USP7: variants seen among roughly 807,000 people sequenced by gnomAD.
USP7 encodes ubiquitin specific peptidase 7.
In USP7, 9 loss-of-function variants were observed where a neutral mutation model predicts 162.9. The ratio of observed to expected loss-of-function variants is 0.06; its 90% CI spans 0.03 to 0.10. The LOEUF (loss-of-function observed/expected upper bound fraction) is 0.10. Ranked by LOEUF, USP7 falls within the 10% of genes least tolerant of loss-of-function variation. The probability of loss-of-function intolerance (pLI) is 1.00; values close to 1 mark genes in which losing one functional copy is unlikely to be tolerated. For synonymous variants in USP7, 562 were observed against 475.9 expected (o/e 1.18, Z -2.35); for missense variants, 715 against 1,373.7 (o/e 0.52, Z 7.58).
intron 13 of USP7, 116 bp downstream of exon 13, chr16:8,906,310 C>T (rs1364476529): frequency 5.0e-6 from 6 of 1,206,566 alleles, no homozygotes; most frequent in African/African-American, 1.5e-5. Flanking sequence ...CCAGAGAATA[C>T]ATAGATCAGT....
intron 1 of USP7, among the ~76,000 whole-genome samples, chr16:8,939,216 A>T (rs1056980326): frequency 1.3e-5 from 2 of 152,164 alleles, no homozygotes; most frequent in African/African-American, 2.4e-5. Flanking sequence ...AACAGTTCCA[A>T]CACCACAAGG....
chr16:8,902,031 G>T, intron 18 of USP7, 51 bp downstream of exon 18: 2 of 1,461,070 alleles, frequency 1.4e-6, no homozygotes. Flanking sequence ...AACAATCCAG[G>T]AATCCAACGC....
intron 17 of USP7, 68 bp from the exon 18 acceptor site, chr16:8,902,255 G>C (rs942548491): frequency 1.3e-6 from 2 of 1,585,820 alleles, no homozygotes; most frequent in African/African-American, 1.4e-5. Context: ...AAAAACTACA[G>C]TCAAGTATTG....
intron 8 of USP7, among the ~76,000 whole-genome samples, chr16:8,915,966 T>C (rs1897346212): frequency 6.6e-6 from 1 of 152,252 alleles, no homozygotes; most frequent in Admixed American, 6.5e-5. Context: ...AAACACACCT[T>C]GCCCAGCCAA....
At chr16:8,923,556 T>A in intron 2 of USP7, 143 bp from the exon 3 acceptor site, 1 of 850,818 alleles carries the variant, frequency 1.2e-6, no homozygotes, top group Non-Finnish European at 1.8e-6. Context: ...TCCAATTTAT[T>A]AAAACCCGAA....
chr16:8,914,645 C>T (rs1323910117), intron 10 of USP7, among the ~76,000 whole-genome samples: 4 of 152,108 alleles, frequency 2.6e-5, no homozygotes, highest in African/African-American at 4.8e-5. Context: ...ACAGGCTGGA[C>T]ATGGCAGCTC....
At chr16:8,916,379 G>T in intron 8 of USP7, 123 bp downstream of exon 8, 1 of 1,039,256 alleles carries the variant, frequency 9.6e-7, no homozygotes, top group Non-Finnish European at 1.4e-6. Context: ...TGTAGCCTAA[G>T]TCTGATCCTA....
rs774200982 is a variant in USP7, at chr16:8,906,565, T to C, written c.1289A>G (p.Gln430Arg). ...KINDRFEFPE[Q>R]LPLDEFLQKT... ...TTGCAAAAATTCATCAAGTGGTAAC[T>C]GCTCTGGGAATTCAAACCTATTAGA... is the stretch of plus-strand genomic sequence containing the variant. The change falls in exon 13 of 31, where the codon CAG (glutamine) becomes CGG (arginine). Residue 430 changes from glutamine (Q) to arginine (R), a missense_variant. Physicochemically the swap from Gln to Arg is conservative, Grantham distance 43. This residue lies in a region of USP7 where 31 missense variants were observed against 135.9 expected (regional missense o/e 0.23). Transcript: ENST00000344836. 5.6e-6 allele frequency: 9 copies of C among 1,612,238 alleles called. No individual in the cohort carries two copies. The highest frequency in any genetic ancestry group is 2.2e-5 in the South Asian group (2 of 90,610).
chr16:8,940,135 T>C (rs138331860), intron 1 of USP7, among the ~76,000 whole-genome samples: 2 of 152,230 alleles, frequency 1.3e-5, no homozygotes, highest in Non-Finnish European at 2.9e-5. Context: ...GTTTTTCCTG[T>C]ATTTTTGTGA....
chr16:8,931,869 C>G (rs1184595076), intron 1 of USP7, among the ~76,000 whole-genome samples: 3 of 152,206 alleles, frequency 2.0e-5, no homozygotes, highest in Non-Finnish European at 4.4e-5. Flanking sequence ...GCTGGCCCCA[C>G]GGTTGCCTAC....
At chr16:8,915,159 A>T in intron 10 of USP7, 95 bp downstream of exon 10, 1 of 1,172,574 alleles carries the variant, frequency 8.5e-7, no homozygotes. Context: ...CTCTGTGTTT[A>T]GACTATTTAA....
At chr16:8,917,214 A>C in intron 6 of USP7, 58 bp from the exon 7 acceptor site, 1 of 1,534,490 alleles carries the variant, frequency 6.5e-7, no homozygotes, top group Non-Finnish European at 8.7e-7. Context: ...GAATTTAAAA[A>C]ACAGTAAGAA....
At chr16:8,904,658 A>C in intron 14 of USP7, 93 bp from the exon 15 acceptor site, 1 of 1,532,496 alleles carries the variant, frequency 6.5e-7, no homozygotes, top group Non-Finnish European at 8.7e-7. Flanking sequence ...AAAATAATCT[A>C]TTAGGCCGGC....
At chr16:8,946,876 G>C (rs748881505) in intron 1 of USP7, among the ~76,000 whole-genome samples, 1 of 152,224 alleles carries the variant, frequency 6.6e-6, no homozygotes, top group Non-Finnish European at 1.5e-5. Flanking sequence ...ATAATAAAAT[G>C]TATCAACATT....
intron 6 of USP7, among the ~76,000 whole-genome samples, chr16:8,917,824 C>G (rs904949520): frequency 9.2e-5 from 14 of 152,010 alleles, no homozygotes; most frequent in African/African-American, 3.4e-4. Context: ...GAGTCTTGCT[C>G]TGTCACCCAG....
At position 8,902,373 on chromosome 16, in the gene USP7, A is replaced by G; in HGVS notation, c.1941+8T>C. 6.2e-7 allele frequency: 1 copy of G among 1,613,506 alleles called. No homozygotes were observed. Among genetic ancestry groups the G allele is most frequent in the East Asian group, 2.2e-5 (1 of 44,886 alleles). The stretch of plus-strand genomic sequence containing the variant: ...TTCCAAACCAGATACGCTATTAACA[A>G]TATTTACTGTTTTATTGCCGTCGGC... On this transcript the variant is annotated splice_region_variant and intron_variant, in intron 17 of 30. Coordinates refer to ENST00000344836, the MANE Select transcript of USP7 (RefSeq NM_003470.3).
intron 1 of USP7, among the ~76,000 whole-genome samples, chr16:8,942,266 G>A (rs911465501): frequency 1.3e-5 from 2 of 152,184 alleles, no homozygotes; most frequent in African/African-American, 2.4e-5. Flanking sequence ...TGGGACACTC[G>A]GAGTGACTGG....
Position 8,901,187 on chromosome 16 carries a change from A to G in USP7, c.2095T>C (p.Leu699=). 6.2e-7 allele frequency: 1 copy of G among 1,613,724 alleles called. No homozygotes were observed. Residue 699 remains leucine (L), a synonymous_variant, in exon 19 of 31, where the codon TTG becomes CTG. Coordinates refer to ENST00000344836, the MANE Select transcript of USP7 (RefSeq NM_003470.3). ...GTGTAGATATGCCCACAGTAATTCA[A>G]GCTCCGCGTTTTGGGATCATACATC... ...LKMYDPKTRS[L]NYCGHIYTPI...
chr16:8,898,808 G>A (rs570252383), intron 23 of USP7, 169 bp from the exon 24 acceptor site: 3 of 625,844 alleles, frequency 4.8e-6, no homozygotes, highest in South Asian at 2.1e-5. Context: ...AGTCCCACTC[G>A]CTGTCACACT....
Sources: gnomAD v4.1 joint callset for allele counts (sites outside exome capture counted in the v4.1 genomes callset) on GRCh38, gnomAD v4.1.1 for gene constraint, gnomAD v4.1.1 regional missense constraint, MANE v1.5 for transcripts, NCBI Gene and HGNC (gene_info 2026-07-23, HGNC 2026-07-21) for gene names.